LEF1: variants seen among roughly 807,000 people sequenced by gnomAD.
The protein encoded by LEF1 is lymphoid enhancer binding factor 1.
Under a neutral mutation model 51.2 loss-of-function variants are expected in LEF1, and 14 were observed. That is an observed-to-expected ratio of 0.27 (90% CI 0.18 to 0.43). LEF1 has a LOEUF of 0.43. Ranked by LOEUF, LEF1 falls within the 20% of genes least tolerant of loss-of-function variation. The pLI is 1.00. For missense variants in LEF1, 386 were observed against 512.0 expected, an observed-to-expected ratio of 0.75 and a Z score of 2.37; for synonymous variants, 185 against 183.2, an observed-to-expected ratio of 1.01 and a Z score of -0.08.
intron 3 of LEF1, among the ~76,000 whole-genome samples, chr4:108,124,147 A>G (rs1432971980): frequency 6.6e-6 from 1 of 152,148 alleles, no homozygotes; most frequent in Non-Finnish European, 1.5e-5. Flanking sequence ...TAAAAAATTA[A>G]AAACAAAAAA....
chr4:108,108,743 G>A (rs772907072), intron 3 of LEF1, among the ~76,000 whole-genome samples: 21 of 152,234 alleles, frequency 1.4e-4, no homozygotes, highest in East Asian at 5.8e-4. Context: ...CATGCACTGC[G>A]TTAGGATTAG....
chr4:108,166,175 C>A, intron 1 of LEF1: 1 of 1,273,132 alleles, frequency 7.9e-7, no homozygotes, highest in Non-Finnish European at 1.0e-6. Context: ...GTGCACCCTA[C>A]CCCCGCCCCC....
intron 9 of LEF1, among the ~76,000 whole-genome samples, chr4:108,069,255 A>G (rs1199918481): frequency 6.6e-6 from 1 of 152,200 alleles, no homozygotes; most frequent in Non-Finnish European, 1.5e-5. Flanking sequence ...GTTGTTTATA[A>G]CTCACCATGT....
chr4:108,091,446 G>C (rs373043776), intron 3 of LEF1, among the ~76,000 whole-genome samples: 18 of 16,328 alleles, frequency 1.1e-3, no homozygotes, highest in Non-Finnish European at 2.3e-3. Flanking sequence ...AGAAACTTAC[G>C]GGGGGGGGAA....
intron 3 of LEF1, among the ~76,000 whole-genome samples, chr4:108,149,414 G>C (rs1386308087): frequency 7.8e-6 from 1 of 128,998 alleles, no homozygotes; most frequent in East Asian, 2.2e-4. Context: ...AGCCGAGGTC[G>C]TGCCACTGCA....
intron 3 of LEF1, among the ~76,000 whole-genome samples, chr4:108,159,966 C>A (rs978651920): frequency 3.3e-5 from 5 of 152,316 alleles, no homozygotes; most frequent in Admixed American, 1.3e-4. Context: ...TGCAGCGCTA[C>A]ACTGACCAGG....
chr4:108,127,256 C>A (rs1383398540), intron 3 of LEF1, among the ~76,000 whole-genome samples: 2 of 152,092 alleles, frequency 1.3e-5, no homozygotes, highest in Admixed American at 6.5e-5. Context: ...TCTTTGGGTT[C>A]TTTTTTGGGA....
intron 3 of LEF1, among the ~76,000 whole-genome samples, chr4:108,127,977 C>T (rs1742650565): frequency 6.6e-6 from 1 of 152,170 alleles, no homozygotes; most frequent in Non-Finnish European, 1.5e-5. Context: ...TTCCTTAACT[C>T]TCCAACCACT....
intron 8 of LEF1, among the ~76,000 whole-genome samples, chr4:108,074,027 G>A (rs568810240): frequency 2.0e-5 from 3 of 152,080 alleles, no homozygotes; most frequent in Non-Finnish European, 2.9e-5. Flanking sequence ...GGGTTTCACC[G>A]TGTTAGCCAG....
At chr4:108,143,923 G>A (rs1028961984) in intron 3 of LEF1, among the ~76,000 whole-genome samples, 2 of 152,080 alleles carry the variant, frequency 1.3e-5, no homozygotes, top group Non-Finnish European at 1.5e-5. Flanking sequence ...TGATACACAG[G>A]AGACTCGTTA....
At position 108,167,868 on chromosome 4, in the gene LEF1, A is replaced by C; in HGVS notation, c.-101T>G. ...GGGTGGGGGAGGAAAGGAGAGTTGGAAGGGTTCGTGCAGCAGGACAGCGGG... is the reference window on the plus strand; with the variant it reads ...GGGTGGGGGAGGAAAGGAGAGTTGGCAGGGTTCGTGCAGCAGGACAGCGGG... On this transcript the variant is annotated 5_prime_UTR_variant, in exon 1 of 12. Transcript: ENST00000265165. The surrounding 1 kb of genome is among the most constrained non-coding windows in gnomAD (Gnocchi z 5.7). 1 of 1,081,970 alleles carries C rather than the reference A, an allele frequency of 9.2e-7. No individual in the cohort carries two copies. The highest frequency in any genetic ancestry group is 1.4e-5 in the South Asian group (1 of 69,910). 67.0% of individuals were successfully genotyped at this position (1,081,970 alleles called of 1,614,324 possible). A position where few individuals can be genotyped will look rare whatever the true frequency, so the allele number is the denominator to read the frequency against.
intron 3 of LEF1, among the ~76,000 whole-genome samples, chr4:108,109,335 G>A (rs1046129377): frequency 3.3e-5 from 5 of 152,116 alleles, no homozygotes; most frequent in Non-Finnish European, 7.4e-5. Context: ...ACCTAGAAAG[G>A]CCTCTAAAAA....
intron 3 of LEF1, among the ~76,000 whole-genome samples, chr4:108,152,161 T>C (rs894639350): frequency 5.3e-5 from 8 of 152,230 alleles, no homozygotes; most frequent in Middle Eastern, 3.4e-3. Context: ...AGGAACTTCA[T>C]TGAGGAGGCA....
chr4:108,091,413 T>A (rs920160630), intron 3 of LEF1, among the ~76,000 whole-genome samples: 5 of 150,860 alleles, frequency 3.3e-5, no homozygotes, highest in African/African-American at 1.2e-4. Flanking sequence ...TCTTATACCC[T>A]ATCATTACAA....
At chr4:108,059,398 G>A (rs1737524920) in intron 11 of LEF1, among the ~76,000 whole-genome samples, 1 of 152,176 alleles carries the variant, frequency 6.6e-6, no homozygotes, top group African/African-American at 2.4e-5. Context: ...GCTCACTGCA[G>A]CCTTGAACTC....
Position 108,167,832 on chromosome 4 carries a change from G to C in LEF1, c.-65C>G. On this transcript the variant is annotated 5_prime_UTR_variant, in exon 1 of 12. Transcript: ENST00000265165. The surrounding 1 kb of genome is among the most constrained non-coding windows in gnomAD (Gnocchi z 5.7). ...CCGCGCAACAGCAGGAAAGACAGAGGGGTAACTCAAGGGTGGGGGAGGAAA... is the reference window on the plus strand; with the variant it reads ...CCGCGCAACAGCAGGAAAGACAGAGCGGTAACTCAAGGGTGGGGGAGGAAA... 1 of 1,427,402 alleles carries C rather than the reference G, an allele frequency of 7.0e-7. No individual in the cohort carries two copies. Among genetic ancestry groups the C allele is most frequent in the Non-Finnish European group, 9.7e-7 (1 of 1,030,508 alleles). 88.4% of individuals were successfully genotyped at this position (1,427,402 alleles called of 1,614,324 possible).
intron 8 of LEF1, among the ~76,000 whole-genome samples, chr4:108,073,775 A>G (rs1738650475): frequency 6.6e-6 from 1 of 152,090 alleles, no homozygotes; most frequent in Non-Finnish European, 1.5e-5. Flanking sequence ...AAGTAGGCAT[A>G]AACTAAACTA....
chr4:108,166,884 G>T, intron 1 of LEF1: 1 of 897,364 alleles, frequency 1.1e-6, no homozygotes, highest in Non-Finnish European at 1.3e-6. Context: ...CGGTGGGTCG[G>T]CTCGGCGCAC....
At chr4:108,091,154 T>A (rs888015319) in intron 3 of LEF1, among the ~76,000 whole-genome samples, 15 of 152,150 alleles carry the variant, frequency 9.9e-5, no homozygotes, top group African/African-American at 2.7e-4. Context: ...TCATATTTTT[T>A]AAAAATTTGA....
Sources: gnomAD v4.1 joint callset for allele counts (sites outside exome capture counted in the v4.1 genomes callset) on GRCh38, gnomAD v4.1.1 for gene constraint, Gnocchi (gnomAD v3.1) non-coding constraint, MANE v1.5 for transcripts, NCBI Gene and HGNC (gene_info 2026-07-23, HGNC 2026-07-21) for gene names.